The following VAV3 variants were observed in gnomAD, a reference collection of about 807,000 sequenced individuals.
VAV3 encodes the protein vav guanine nucleotide exchange factor 3.
Under a neutral mutation model 131.2 loss-of-function variants are expected in VAV3, and 94 were observed. That is an observed-to-expected ratio of 0.72 (90% confidence interval 0.61 to 0.85). The LOEUF (loss-of-function observed/expected upper bound fraction) is 0.85, where lower values mean the gene tolerates loss of function less well. Among genes scored for constraint, VAV3 ranks in the 40% least tolerant of loss-of-function variants. The pLI is 0.00. For synonymous variants in VAV3, 349 were observed against 342.0 expected, an observed-to-expected ratio of 1.02 and a Z score of -0.22; for missense variants, 939 against 1,002.7, an observed-to-expected ratio of 0.94 and a Z score of 0.86.
rs190950060 is a variant in VAV3 at position 107,571,451 on chromosome 1, A to C, written c.*1880T>G. On this transcript the variant is annotated 3_prime_UTR_variant, in exon 27 of 27. Coordinates refer to ENST00000370056, the MANE Select transcript of VAV3 (RefSeq NM_006113.5). Reference sequence around the variant, plus strand: ...CCATGAAATGCAACAGGAAGACTAAACACCATTTATAAGGAGAGGGTCTAT... The same window carrying C: ...CCATGAAATGCAACAGGAAGACTAACCACCATTTATAAGGAGAGGGTCTAT... The C allele has an allele frequency of 6.5e-6, 1 of 152,792 alleles. No individual in the cohort carries two copies. Among genetic ancestry groups the C allele is most frequent in the African/African-American group, 2.4e-5 (1 of 41,578 alleles). The allele number at this position is 152,792 out of a possible 1,614,324, so 9.5% of individuals were successfully genotyped here.
At chr1:107,943,302 T>C (rs1220318491) in intron 1 of VAV3, among the ~76,000 whole-genome samples, 4 of 152,158 alleles carry the variant, frequency 2.6e-5, no homozygotes, top group Non-Finnish European at 5.9e-5. Context: ...TTGAGGTTGG[T>C]CATATCACAG....
intron 17 of VAV3, among the ~76,000 whole-genome samples, chr1:107,700,319 C>G (rs532806085): frequency 1.4e-4 from 22 of 152,238 alleles, no homozygotes; most frequent in African/African-American, 5.1e-4. Context: ...ATTTTAAGTT[C>G]CAGGGTACAT....
intron 21 of VAV3, among the ~76,000 whole-genome samples, chr1:107,616,898 T>G (rs1265279542): frequency 6.6e-6 from 1 of 152,098 alleles, no homozygotes; most frequent in Admixed American, 6.6e-5. Context: ...AATTAAAAAG[T>G]TGTGTGGAAA....
At chr1:107,923,254 A>G (rs1673002819) in intron 1 of VAV3, among the ~76,000 whole-genome samples, 1 of 152,138 alleles carries the variant, frequency 6.6e-6, no homozygotes, top group Non-Finnish European at 1.5e-5. Context: ...ACCCCCAACT[A>G]ATAATGAGTC....
At chr1:107,868,106 C>T (rs193056224) in intron 2 of VAV3, among the ~76,000 whole-genome samples, 1 of 152,252 alleles carries the variant, frequency 6.6e-6, no homozygotes, top group Admixed American at 6.5e-5. Flanking sequence ...AATAGCACCA[C>T]ACTAGCAGAC....
intron 19 of VAV3, among the ~76,000 whole-genome samples, chr1:107,660,713 C>T (rs1656950172): frequency 6.6e-6 from 1 of 152,158 alleles, no homozygotes; most frequent in Non-Finnish European, 1.5e-5. Flanking sequence ...TTTAAAAACA[C>T]ACCCAATGCT....
intron 2 of VAV3, among the ~76,000 whole-genome samples, chr1:107,870,082 T>C (rs1428263960): frequency 1.3e-5 from 2 of 152,208 alleles, no homozygotes; most frequent in Non-Finnish European, 2.9e-5. Flanking sequence ...TTGTGAATTG[T>C]GCTGCTATAA....
chr1:107,904,451 C>A (rs1356160151), intron 1 of VAV3, among the ~76,000 whole-genome samples: 1 of 152,190 alleles, frequency 6.6e-6, no homozygotes, highest in East Asian at 1.9e-4. Flanking sequence ...CTCTCAACTG[C>A]CAAATCTGAT....
intron 15 of VAV3, among the ~76,000 whole-genome samples, chr1:107,715,230 A>G (rs571747533): frequency 3.3e-5 from 5 of 152,320 alleles, no homozygotes; most frequent in Non-Finnish European, 5.9e-5. Flanking sequence ...CGAGCACTCA[A>G]ATTTGTTCTG....
intron 4 of VAV3, 68 bp downstream of exon 4, chr1:107,777,163 A>T: frequency 7.2e-7 from 1 of 1,387,664 alleles, no homozygotes; most frequent in Non-Finnish European, 1.0e-6. Context: ...TTTAACATCC[A>T]CAGTTAAAAC....
chr1:107,943,213 A>C (rs1674083558), intron 1 of VAV3, among the ~76,000 whole-genome samples: 1 of 152,058 alleles, frequency 6.6e-6, no homozygotes, highest in Non-Finnish European at 1.5e-5. Flanking sequence ...TAATAAATTT[A>C]CATATTTATG....
chr1:107,945,818 G>A (rs1366673455), intron 1 of VAV3, among the ~76,000 whole-genome samples: 12 of 53,046 alleles, frequency 2.3e-4, no homozygotes, highest in South Asian at 1.0e-3. Flanking sequence ...GCAAAACTCC[G>A]ACTCAAAAAA....
chr1:107,944,493 CTTTG>C (rs1674153871), intron 1 of VAV3, among the ~76,000 whole-genome samples: 2 of 152,104 alleles, frequency 1.3e-5, no homozygotes, highest in African/African-American at 4.8e-5. Flanking sequence ...AACCTGAATT[CTTTG>C]TTATATGTTC....
chr1:107,804,654 C>T (rs1032593868), intron 2 of VAV3, among the ~76,000 whole-genome samples: 1 of 152,130 alleles, frequency 6.6e-6, no homozygotes, highest in African/African-American at 2.4e-5. Context: ...AGGATTCATA[C>T]TAAAGTTATG....
At chr1:107,792,874 T>C in intron 2 of VAV3, among the ~76,000 whole-genome samples, 1 of 152,128 alleles carries the variant, frequency 6.6e-6, no homozygotes, top group East Asian at 1.9e-4. Context: ...TTAAGTAGAC[T>C]GTAAGGAAAC....
At chr1:107,953,455 T>C (rs1476564754) in intron 1 of VAV3, among the ~76,000 whole-genome samples, 1 of 152,202 alleles carries the variant, frequency 6.6e-6, no homozygotes, top group African/African-American at 2.4e-5. Context: ...AGGGTCAGTG[T>C]TGTTAAGTGC....
intron 1 of VAV3, among the ~76,000 whole-genome samples, chr1:107,958,735 G>A (rs1469262742): frequency 3.9e-5 from 6 of 152,028 alleles, no homozygotes; most frequent in East Asian, 1.9e-4. Flanking sequence ...CCATCAACCC[G>A]TCATCTACGT....
intron 2 of VAV3, among the ~76,000 whole-genome samples, chr1:107,819,148 A>C (rs1667684807): frequency 6.6e-6 from 1 of 152,178 alleles, no homozygotes; most frequent in African/African-American, 2.4e-5. Context: ...CAGGAAACCA[A>C]GTATTTTGTC....
chr1:107,704,088 T>A (rs1468938596), intron 17 of VAV3, among the ~76,000 whole-genome samples: 1 of 152,206 alleles, frequency 6.6e-6, no homozygotes, highest in African/African-American at 2.4e-5. Flanking sequence ...TTCAATTCAT[T>A]AATTCATGAA....
Sources: allele counts gnomAD v4.1 joint callset (sites outside exome capture counted in the v4.1 genomes callset), GRCh38; gene constraint gnomAD v4.1.1; transcripts MANE v1.5; gene names NCBI Gene and HGNC (gene_info 2026-07-23, HGNC 2026-07-21).